The following KANK1 variants were observed in gnomAD, a reference collection of about 807,000 sequenced individuals.
KANK1 encodes KN motif and ankyrin repeat domain-containing protein 1.
In KANK1, 109 loss-of-function variants were observed where a neutral mutation model predicts 106.2. The ratio of observed to expected loss-of-function variants is 1.03; its 90% CI spans 0.88 to 1.20. The LOEUF (loss-of-function observed/expected upper bound fraction) is 1.20, where lower values mean the gene tolerates loss of function less well. Among genes scored for constraint, KANK1 ranks in the 50% most tolerant of loss-of-function variants. The probability of loss-of-function intolerance (pLI) is 0.00; values close to 1 mark genes in which losing one functional copy is unlikely to be tolerated. For missense variants in KANK1, 2,399 were observed against 1,710.7 expected (o/e 1.40, Z -7.10); for synonymous variants, 873 against 652.2 (o/e 1.34, Z -5.16).
chr9:739,087 A>C (rs1458463220), intron 8 of KANK1, among the ~76,000 whole-genome samples: 1 of 152,178 alleles, frequency 6.6e-6, no homozygotes, highest in African/African-American at 2.4e-5. Context: ...ACCATAATAG[A>C]ATAGTAGAAA....
intron 3 of KANK1, among the ~76,000 whole-genome samples, chr9:498,726 A>T (rs2058497647): frequency 6.6e-6 from 1 of 152,354 alleles, no homozygotes; most frequent in Admixed American, 6.5e-5. Context: ...CCACAGTGAG[A>T]TACTACTTCA....
At chr9:479,779 C>T (rs2058170663) in intron 3 of KANK1, among the ~76,000 whole-genome samples, 1 of 152,206 alleles carries the variant, frequency 6.6e-6, no homozygotes, top group Admixed American at 6.5e-5. Context: ...CACCTGGCAT[C>T]TTCCTGACCC....
Position 545,667 on chromosome 9 carries a change from G to A in KANK1, c.-84+40913G>A, listed in dbSNP as rs557348406. Among the ~76,000 whole-genome samples, 64 of 151,036 alleles carry A rather than the reference G, an allele frequency of 4.2e-4. No homozygotes were observed. In the Middle Eastern group the frequency reaches 0.014, roughly 33 times the overall value. ...GGGCTTAGCAACAAGAACTTTCAGG[G>A]ACTTCATGGCAGCGTGACAGCATAT... On this transcript the variant is annotated intron_variant, in intron 1 of 11. Coordinates refer to ENST00000382297, the MANE Select transcript of KANK1 (RefSeq NM_015158.5).
At chr9:738,660 T>C (rs915295800) in intron 8 of KANK1, among the ~76,000 whole-genome samples, 156 bp downstream of exon 8, 3 of 152,224 alleles carry the variant, frequency 2.0e-5, no homozygotes, top group African/African-American at 7.2e-5. Context: ...TCTTGAGTCA[T>C]TCATAAGAGG....
chr9:676,050 T>G lies in KANK1; in HGVS notation c.-83-840T>G, dbSNP rs148930682. The stretch of plus-strand genomic sequence containing the variant: ...ATTATAATTAGCATATAATGAGCAG[T>G]GAGAATGACCAGAGATCACTTTCAT... On this transcript the variant is annotated intron_variant, in intron 1 of 11. Coordinates refer to ENST00000382297, the MANE Select transcript of KANK1 (RefSeq NM_015158.5). Among the ~76,000 whole-genome samples the G allele has an allele frequency of 3.1e-4, 47 of 152,306 alleles. 1 individual carries two copies. Among genetic ancestry groups the G allele is most frequent in the African/African-American group, 1.1e-3 (47 of 41,546 alleles).
At chr9:573,119 T>A (rs1400986145) in intron 1 of KANK1, among the ~76,000 whole-genome samples, 2 of 152,142 alleles carry the variant, frequency 1.3e-5, no homozygotes, top group Non-Finnish European at 2.9e-5. Context: ...CTGCAGTCAG[T>A]CAAGTGCTGC....
chr9:642,743 C>A lies in KANK1; in HGVS notation c.-83-34147C>A, dbSNP rs112049674. 1.3e-3 allele frequency among the ~76,000 whole-genome samples: 190 copies of A among 149,400 alleles called. 11 individuals are homozygous for A. Among genetic ancestry groups the A allele is most frequent in the African/African-American group, 4.6e-3 (181 of 39,432 alleles). ...AATTAATTTCTCTCTCTGTCTTTCA[C>A]AATAAATAGGTGCCTGTCACCTTTT... On this transcript the variant is annotated intron_variant, in intron 1 of 11. Transcript: ENST00000382297.
chr9:701,601 G>A (rs1396207472), intron 2 of KANK1, among the ~76,000 whole-genome samples: 2 of 152,042 alleles, frequency 1.3e-5, no homozygotes, highest in Admixed American at 6.6e-5. Context: ...CACTAGATTC[G>A]GGTAGCACCC....
rs200239036 is a variant in KANK1, at chr9:738,477, G to A, written c.3526G>A (p.Glu1176Lys). The A allele has an allele frequency of 1.1e-4, 174 of 1,613,982 alleles. No individual in the cohort carries two copies. The highest frequency in any genetic ancestry group is 3.3e-4 in the Middle Eastern group (2 of 6,084). ...TTACAGCGTGTCCCACTCCAACTTC[G>A]AGATTGTGAAGCTGCTGTTAGATGC... is the stretch of plus-strand genomic sequence containing the variant. ...LHYSVSHSNFEIVKLLLDADV... is the reference protein window; with the variant it reads ...LHYSVSHSNFKIVKLLLDADV... The change falls in exon 8 of 12, where the codon GAG becomes AAG. Residue 1176 changes from glutamate (E) to lysine (K), a missense_variant. By Grantham distance (56) the Glu-to-Lys change is moderately conservative. Coordinates refer to ENST00000382297, the MANE Select transcript of KANK1 (RefSeq NM_015158.5).
chr9:715,354 A>C (rs1827394335), intron 3 of KANK1, among the ~76,000 whole-genome samples: 1 of 25,082 alleles, frequency 4.0e-5, no homozygotes, highest in Admixed American at 5.0e-4. Flanking sequence ...TAAAATTCTT[A>C]AATACCTCCA....
intron 1 of KANK1, among the ~76,000 whole-genome samples, chr9:668,136 C>G (rs1388844089): frequency 6.6e-6 from 1 of 152,084 alleles, no homozygotes; most frequent in East Asian, 1.9e-4. Context: ...GTTTTGTGGC[C>G]TAAAATATGG....
At chr9:590,605 A>G (rs894880525) in intron 1 of KANK1, among the ~76,000 whole-genome samples, 1 of 151,436 alleles carries the variant, frequency 6.6e-6, no homozygotes, top group Non-Finnish European at 1.5e-5. Flanking sequence ...TAACTTTACC[A>G]CCATTAAATA....
rs573701717 is a variant in KANK1, at chr9:600,477, T to A, written c.-83-76413T>A. Among the ~76,000 whole-genome samples, 3 of 152,008 alleles carry A rather than the reference T, an allele frequency of 2.0e-5. No homozygotes were observed. In the South Asian group the frequency reaches 6.2e-4, roughly 31 times the overall value. On this transcript the variant is annotated intron_variant, in intron 1 of 11. Transcript: ENST00000382297. ...GTATGTCTGACTCTTTTCATTCCCA[T>A]ACAATGTGGTAACATACGTAATAAT...
At chr9:594,655 G>GT (rs1185789804) in intron 1 of KANK1, among the ~76,000 whole-genome samples, 7 of 151,844 alleles carry the variant, frequency 4.6e-5, no homozygotes, top group African/African-American at 1.5e-4. Context: ...ATCCCTGAGT[G>GT]TTTTTTTGAT....
At chr9:713,988 C>G (rs1477493251) in intron 3 of KANK1, among the ~76,000 whole-genome samples, 3 of 152,102 alleles carry the variant, frequency 2.0e-5, no homozygotes, top group East Asian at 1.9e-4. Flanking sequence ...TCCGTAGTCC[C>G]AGCTACTCTA....
rs754887996 is a variant in KANK1 at position 740,940 on chromosome 9, T to G, written c.3696+6T>G. 6.2e-7 allele frequency: 1 copy of G among 1,614,050 alleles called. No individual in the cohort carries two copies. ...TGAATGCCAAAGCTAGTCAGGTTAG[T>G]GCGCCTGGTTCCTGTGCTCAGGAAT... On this transcript the variant is annotated splice_donor_region_variant and intron_variant, in intron 9 of 11. Coordinates refer to ENST00000382297, the MANE Select transcript of KANK1 (RefSeq NM_015158.5).
chr9:573,225 C>T (rs1198001773), intron 1 of KANK1, among the ~76,000 whole-genome samples: 3 of 152,090 alleles, frequency 2.0e-5, no homozygotes, highest in African/African-American at 4.8e-5. Flanking sequence ...CTTGATTTCA[C>T]TTGTCACTAA....
At chr9:707,358 C>G (rs1219186693) in intron 2 of KANK1, 2 of 458,232 alleles carry the variant, frequency 4.4e-6, no homozygotes, top group African/African-American at 4.2e-5. Flanking sequence ...TTCACTCCAC[C>G]GCAGGCCTAC....
chr9:657,496 T>C (rs932701), intron 1 of KANK1, among the ~76,000 whole-genome samples: 135,900 of 152,136 alleles, frequency 0.89, 60,829 homozygotes, highest in East Asian at 0.97. Context: ...CACCAACAAC[T>C]CTCACCAATG....
Sources: allele counts gnomAD v4.1 joint callset (sites outside exome capture counted in the v4.1 genomes callset), GRCh38; gene constraint gnomAD v4.1.1; transcripts MANE v1.5; gene names NCBI Gene and HGNC (gene_info 2026-07-23, HGNC 2026-07-21).